Variants in VPS53 observed in about 807,000 individuals in gnomAD.
VPS53 encodes VPS53 subunit of GARP complex, also known as vacuolar protein sorting-associated protein 53 homolog.
In VPS53, 70 loss-of-function variants were observed where a neutral mutation model predicts 107.0. The observed-to-expected ratio is 0.65, with a 90% CI of 0.54 to 0.80. VPS53 has a LOEUF of 0.80. Among genes scored for constraint, VPS53 ranks in the 30% least tolerant of loss-of-function variants. The pLI, the probability that VPS53 is intolerant of heterozygous loss-of-function variation, is 0.00. For missense variants in VPS53, 917 were observed against 1,049.4 expected (o/e 0.87, Z 1.74); for synonymous variants, 409 against 393.3 (o/e 1.04, Z -0.47).
intron 4 of VPS53, among the ~76,000 whole-genome samples, chr17:692,194 C>T (rs1416315175): frequency 6.6e-6 from 1 of 152,126 alleles, no homozygotes; most frequent in African/African-American, 2.4e-5. Context: ...TTCCTCTAAC[C>T]CGCCCCTCTA....
chr17:665,384 T>C (rs1485149954), intron 4 of VPS53, among the ~76,000 whole-genome samples: 2 of 152,236 alleles, frequency 1.3e-5, no homozygotes, highest in Admixed American at 1.3e-4. Flanking sequence ...ACCTTGGACT[T>C]CCCAGCCTCC....
At chr17:687,607 AT>A (rs1972634488) in intron 4 of VPS53, among the ~76,000 whole-genome samples, 1 of 151,214 alleles carries the variant, frequency 6.6e-6, no homozygotes, top group African/African-American at 2.4e-5. Flanking sequence ...GCATGGTGGC[AT>A]GTGCCTGTGG....
chr17:612,370 G>C (rs1968926773), intron 11 of VPS53, among the ~76,000 whole-genome samples: 2 of 108,938 alleles, frequency 1.8e-5, no homozygotes, highest in Admixed American at 9.0e-5. Context: ...AGTTCACACA[G>C]TGAAAACCTG....
intron 7 of VPS53, among the ~76,000 whole-genome samples, chr17:639,725 T>C (rs1382305842): frequency 6.6e-6 from 1 of 152,222 alleles, no homozygotes; most frequent in Non-Finnish European, 1.5e-5. Context: ...GGCTGCAGAA[T>C]AGCAAATACT....
intron 2 of VPS53, among the ~76,000 whole-genome samples, chr17:701,873 T>C (rs1392373073): frequency 2.6e-5 from 4 of 151,930 alleles, no homozygotes; most frequent in Non-Finnish European, 5.9e-5. Flanking sequence ...AACAAAAAGG[T>C]ACATGCACTG....
chr17:705,136 C>G (rs958932167), intron 2 of VPS53, among the ~76,000 whole-genome samples: 20 of 152,178 alleles, frequency 1.3e-4, no homozygotes, highest in Admixed American at 9.8e-4. Context: ...CCTGGATGAC[C>G]TGAGTATGTT....
chr17:654,723 C>A (rs2143516458), intron 6 of VPS53, among the ~76,000 whole-genome samples: 1 of 141,072 alleles, frequency 7.1e-6, no homozygotes, highest in East Asian at 2.0e-4. Context: ...GGCGACAGAG[C>A]CAGACTCCAA....
intron 17 of VPS53, among the ~76,000 whole-genome samples, chr17:549,658 T>A (rs3744734): frequency 7.2e-5 from 11 of 151,830 alleles, no homozygotes; most frequent in Non-Finnish European, 1.5e-4. Context: ...CTGAAGTGTG[T>A]GGCAGTTCAG....
chr17:580,997 C>T (rs1966985613), intron 13 of VPS53, among the ~76,000 whole-genome samples: 2 of 151,984 alleles, frequency 1.3e-5, no homozygotes, highest in Non-Finnish European at 1.5e-5. Flanking sequence ...TCCCTCAGAA[C>T]TTAATGCATT....
Position 517,242 on chromosome 17 carries a change from ACTT to A in VPS53, c.*1883_*1885del. On this transcript the variant is annotated 3_prime_UTR_variant, in exon 22 of 22. Transcript: ENST00000437048. ...GAAGGCCGCATCTCCTTCTCGCAAC[ACTT>A]CTTTTCTCCTCCGCATTCTCAAATT... The A allele has an allele frequency of 7.7e-6, 3 of 388,958 alleles. No individual in the cohort carries two copies. The highest frequency in any genetic ancestry group is 7.3e-5 in the East Asian group (2 of 27,376). The allele number at this position is 388,958 out of a possible 1,614,324, so 24.1% of individuals were successfully genotyped here.
At chr17:545,839 AATAAAT>A (rs1911140983) in intron 17 of VPS53, among the ~76,000 whole-genome samples, 1 of 152,232 alleles carries the variant, frequency 6.6e-6, no homozygotes. Context: ...TTGAAAGAGA[AATAAAT>A]ATGCTCTGGC....
intron 2 of VPS53, among the ~76,000 whole-genome samples, chr17:701,934 G>A (rs1238008851): frequency 1.3e-5 from 2 of 152,064 alleles, no homozygotes; most frequent in Non-Finnish European, 2.9e-5. Context: ...TTGCTATGCT[G>A]TCCAAGCTGA....
rs75762530 is a variant in VPS53 at position 688,081 on chromosome 17, G to A, written c.285+9337C>T. On this transcript the variant is annotated intron_variant, in intron 4 of 21. Coordinates refer to ENST00000437048, the MANE Select transcript of VPS53 (RefSeq NM_001128159.3). ...AAAAATGAGGGATTTTAGAGGATAC[G>A]TGGCAAAGTGTTCCAAATATGCCGC... 2.2e-3 allele frequency among the ~76,000 whole-genome samples: 342 copies of A among 152,186 alleles called. 10 individuals are homozygous for A. In the East Asian group the frequency reaches 0.055, roughly 25 times the overall value.
chr17:631,518 T>C (rs1969959590), intron 8 of VPS53, 32 bp downstream of exon 8: 1 of 1,607,726 alleles, frequency 6.2e-7, no homozygotes, highest in Non-Finnish European at 8.5e-7. Context: ...ATGGTGATCA[T>C]CTCTAAAGAC....
At chr17:684,683 T>A (rs1283704246) in intron 4 of VPS53, among the ~76,000 whole-genome samples, 5 of 152,194 alleles carry the variant, frequency 3.3e-5, no homozygotes, top group African/African-American at 1.2e-4. Context: ...TTCCTTTTTT[T>A]CTTTTCTTAA....
intron 11 of VPS53, among the ~76,000 whole-genome samples, chr17:619,817 TGC>T (rs1969385776): frequency 7.3e-5 from 6 of 82,016 alleles, no homozygotes; most frequent in Admixed American, 2.9e-4. Context: ...ACTACAGGCG[TGC>T]ACCACCACGC....
At chr17:662,302 A>G (rs1971466988) in intron 4 of VPS53, among the ~76,000 whole-genome samples, 1 of 152,188 alleles carries the variant, frequency 6.6e-6, no homozygotes, top group Non-Finnish European at 1.5e-5. Context: ...TGTGCATTCA[A>G]AAAAACCTGA....
At chr17:604,575 C>T (rs912129515) in intron 11 of VPS53, among the ~76,000 whole-genome samples, 2 of 152,212 alleles carry the variant, frequency 1.3e-5, no homozygotes, top group African/African-American at 4.8e-5. Context: ...TCCTGAGTAG[C>T]TGGGACTACA....
intron 17 of VPS53, among the ~76,000 whole-genome samples, chr17:546,339 A>T (rs1350879321): frequency 9.2e-5 from 13 of 141,744 alleles, no homozygotes; most frequent in South Asian, 8.8e-4. Flanking sequence ...TCACACACAC[A>T]CACACACACA....
Sources: gnomAD v4.1 joint callset for allele counts (sites outside exome capture counted in the v4.1 genomes callset) on GRCh38, gnomAD v4.1.1 for gene constraint, MANE v1.5 for transcripts, NCBI Gene and HGNC (gene_info 2026-07-23, HGNC 2026-07-21) for gene names.